Variants in KCND2 observed in about 807,000 individuals in gnomAD.
KCND2 encodes the protein potassium voltage-gated channel subfamily D member 2.
Under a neutral mutation model 54.4 loss-of-function variants are expected in KCND2, and 16 were observed. The ratio of observed to expected loss-of-function variants is 0.29; its 90% confidence interval spans 0.20 to 0.45. KCND2 has a LOEUF of 0.45. Ranked by LOEUF, KCND2 falls within the 20% of genes least tolerant of loss-of-function variation. KCND2 has a pLI of 1.00. For synonymous variants in KCND2, 317 were observed against 310.7 expected (o/e 1.02, Z -0.21); for missense variants, 486 against 824.2 (o/e 0.59, Z 5.02).
intron 1 of KCND2, among the ~76,000 whole-genome samples, chr7:120,682,086 TGA>T (rs531478538): frequency 7.2e-5 from 11 of 152,096 alleles, no homozygotes; most frequent in Non-Finnish European, 1.5e-4. Context: ...TCTCGAATAC[TGA>T]GAGAACGTAA....
chr7:120,378,641 C>A (rs1584753963), intron 1 of KCND2, among the ~76,000 whole-genome samples: 3 of 151,928 alleles, frequency 2.0e-5, no homozygotes, highest in East Asian at 1.9e-4. Context: ...AGCAGGTTCA[C>A]AAAAATGTGA....
intron 1 of KCND2, among the ~76,000 whole-genome samples, chr7:120,581,544 G>A (rs1210952613): frequency 1.3e-5 from 2 of 152,162 alleles, no homozygotes; most frequent in Non-Finnish European, 2.9e-5. Flanking sequence ...AATGAGCACA[G>A]ATAGCAACAG....
At chr7:120,349,297 TAC>T (rs778393742) in intron 1 of KCND2, among the ~76,000 whole-genome samples, 1 of 141,070 alleles carries the variant, frequency 7.1e-6, no homozygotes, top group African/African-American at 2.6e-5. Flanking sequence ...TAAGCTGCTA[TAC>T]ACACACACAA....
intron 1 of KCND2, among the ~76,000 whole-genome samples, chr7:120,327,796 A>G (rs1018255088): frequency 6.6e-6 from 1 of 152,030 alleles, no homozygotes; most frequent in Non-Finnish European, 1.5e-5. Flanking sequence ...TTCTTTTAAA[A>G]GCAAACTGTT....
chr7:120,698,912 A>G (rs1792365388), intron 1 of KCND2, among the ~76,000 whole-genome samples: 1 of 152,234 alleles, frequency 6.6e-6, no homozygotes, highest in African/African-American at 2.4e-5. Flanking sequence ...AAGTCTTTAA[A>G]TTTAATAAGA....
chr7:120,381,717 G>T (rs1800918680), intron 1 of KCND2, among the ~76,000 whole-genome samples: 1 of 152,002 alleles, frequency 6.6e-6, no homozygotes, highest in Non-Finnish European at 1.5e-5. Flanking sequence ...AAATGATAAA[G>T]AAACAAAGCA....
intron 1 of KCND2, among the ~76,000 whole-genome samples, chr7:120,513,069 G>A (rs1044076280): frequency 6.6e-5 from 10 of 152,018 alleles, no homozygotes; most frequent in African/African-American, 2.4e-4. Context: ...AAAGTGCTGG[G>A]ATTACAGGAG....
intron 1 of KCND2, among the ~76,000 whole-genome samples, chr7:120,728,282 C>T (rs1157670271): frequency 1.4e-5 from 2 of 138,874 alleles, no homozygotes; most frequent in Non-Finnish European, 3.2e-5. Flanking sequence ...CGTTCTTCTT[C>T]TTTTTTTTTT....
rs66483423 is a variant in KCND2 at position 120,678,738 on chromosome 7, G to GTATA, written c.1116-54128_1116-54125dup. ...CTATATATAATGTGGGTGTGTGAGT[G>GTATA]TATATATATATATATATATATATAT... On this transcript the variant is annotated intron_variant, in intron 1 of 5. Transcript: ENST00000331113. Among the ~76,000 whole-genome samples the GTATA allele has an allele frequency of 5.4e-3, 626 of 115,668 alleles. 3 individuals carry two copies. Among genetic ancestry groups the GTATA allele is most frequent in the African/African-American group, 6.8e-3 (226 of 33,348 alleles). 75.9% of individuals were successfully genotyped at this position (115,668 alleles called of 152,430 possible). A position where few individuals can be genotyped will look rare whatever the true frequency, so the allele number is the denominator to read the frequency against.
chr7:120,347,305 G>A (rs1800333913), intron 1 of KCND2, among the ~76,000 whole-genome samples: 1 of 152,112 alleles, frequency 6.6e-6, no homozygotes, highest in South Asian at 2.1e-4. Flanking sequence ...GTTTCAGACT[G>A]TGTATATATA....
intron 1 of KCND2, among the ~76,000 whole-genome samples, chr7:120,340,560 A>G (rs1298049368): frequency 6.6e-6 from 1 of 152,238 alleles, no homozygotes; most frequent in African/African-American, 2.4e-5. Context: ...CGTGGTTAGA[A>G]GAGAACAATT....
chr7:120,642,223 A>G (rs1408610323), intron 1 of KCND2, among the ~76,000 whole-genome samples: 2 of 152,074 alleles, frequency 1.3e-5, no homozygotes, highest in Non-Finnish European at 2.9e-5. Context: ...GATGTTTTTC[A>G]TTACACTCAA....
At chr7:120,396,632 G>C (rs1285300394) in intron 1 of KCND2, among the ~76,000 whole-genome samples, 1 of 151,900 alleles carries the variant, frequency 6.6e-6, no homozygotes, top group Non-Finnish European at 1.5e-5. Flanking sequence ...TTCAGTTAGA[G>C]AGGATAAGAT....
At chr7:120,422,280 G>A (rs905398669) in intron 1 of KCND2, among the ~76,000 whole-genome samples, 10 of 152,094 alleles carry the variant, frequency 6.6e-5, no homozygotes, top group Non-Finnish European at 1.0e-4. Context: ...TGTTTTTCTT[G>A]AAAACATTTC....
intron 1 of KCND2, among the ~76,000 whole-genome samples, chr7:120,441,351 G>A (rs1271727042): frequency 6.6e-6 from 1 of 152,038 alleles, no homozygotes; most frequent in Non-Finnish European, 1.5e-5. Flanking sequence ...ATGGCACATA[G>A]TAGGGCATGT....
At chr7:120,707,170 C>A (rs971610851) in intron 1 of KCND2, among the ~76,000 whole-genome samples, 2 of 152,048 alleles carry the variant, frequency 1.3e-5, no homozygotes, top group African/African-American at 4.8e-5. Flanking sequence ...TTTTGTTTAC[C>A]AGTTTACAAA....
chr7:120,706,525 A>T (rs1018138338), intron 1 of KCND2, among the ~76,000 whole-genome samples: 2 of 152,146 alleles, frequency 1.3e-5, no homozygotes, highest in East Asian at 3.9e-4. Context: ...TTTTATAAGG[A>T]TCTTAGTCCC....
At chr7:120,569,068 A>G (rs59575769) in intron 1 of KCND2, among the ~76,000 whole-genome samples, 12,946 of 152,142 alleles carry the variant, frequency 0.085, 631 homozygotes, top group South Asian at 0.09. Context: ...GTTAGGACAT[A>G]GTTATGATTT....
At chr7:120,326,168 T>C (rs1799971557) in intron 1 of KCND2, among the ~76,000 whole-genome samples, 1 of 152,114 alleles carries the variant, frequency 6.6e-6, no homozygotes, top group African/African-American at 2.4e-5. Flanking sequence ...ATATTAAATA[T>C]GCACTTGATT....
Sources: allele counts gnomAD v4.1 joint callset (sites outside exome capture counted in the v4.1 genomes callset), GRCh38; gene constraint gnomAD v4.1.1; transcripts MANE v1.5; gene names NCBI Gene and HGNC (gene_info 2026-07-23, HGNC 2026-07-21).